The following PTTG1IP2 variants were observed in gnomAD, a reference collection of about 807,000 sequenced individuals.
PTTG1IP2 encodes the protein PTTG1IP family member 2.
At chr7:90,486,423 G>T (rs1207873224) in intron 2 of PTTG1IP2, among the ~76,000 whole-genome samples, 3 of 150,444 alleles carry the variant, frequency 2.0e-5, no homozygotes, top group Non-Finnish European at 4.4e-5. Context: ...CTGTCACATG[G>T]TAGGCCCTAT....
intron 6 of PTTG1IP2, among the ~76,000 whole-genome samples, chr7:90,495,832 C>T (rs1797985158): frequency 6.6e-6 from 1 of 152,196 alleles, no homozygotes; most frequent in African/African-American, 2.4e-5. Context: ...AGGCAAACAA[C>T]AGCAAGAAAT....
chr7:90,504,296 AC>A lies in PTTG1IP2; in HGVS notation c.*51-8981del, dbSNP rs1798099362. Among the ~76,000 whole-genome samples, 4 of 151,672 alleles carry A rather than the reference AC, an allele frequency of 2.6e-5. No homozygotes were observed. In the South Asian group the frequency reaches 8.4e-4, roughly 32 times the overall value. On this transcript the variant is annotated intron_variant, in intron 6 of 6. Transcript: ENST00000509356. Reference sequence around the variant, plus strand: ...ACGCCACTGCACTCCAGCCCGGGCGACAGAGTGAGACTCCATGTCAAGAGAA... The same window carrying A: ...ACGCCACTGCACTCCAGCCCGGGCGAAGAGTGAGACTCCATGTCAAGAGAA...
chr7:90,501,009 G>T (rs1798055401), intron 6 of PTTG1IP2, among the ~76,000 whole-genome samples: 2 of 152,158 alleles, frequency 1.3e-5, no homozygotes. Flanking sequence ...TAGACCCTAA[G>T]TAAACATTTA....
At chr7:90,504,589 A>G (rs140353593) in intron 6 of PTTG1IP2, among the ~76,000 whole-genome samples, 5 of 152,192 alleles carry the variant, frequency 3.3e-5, no homozygotes, top group African/African-American at 7.2e-5. Context: ...TATTTACAAA[A>G]GCATTCAGAG....
intron 2 of PTTG1IP2, among the ~76,000 whole-genome samples, chr7:90,484,750 A>G (rs1797849860): frequency 6.6e-6 from 1 of 152,202 alleles, no homozygotes; most frequent in Non-Finnish European, 1.5e-5. Context: ...TCATTGGCTT[A>G]CAATATTGGG....
chr7:90,483,302 T>C (rs1295595372), intron 2 of PTTG1IP2, among the ~76,000 whole-genome samples: 1 of 152,184 alleles, frequency 6.6e-6, no homozygotes, highest in Non-Finnish European at 1.5e-5. Flanking sequence ...AGTTTCCTCA[T>C]TTTTCACCTG....
intron 1 of PTTG1IP2, among the ~76,000 whole-genome samples, chr7:90,473,406 A>G (rs983225177): frequency 2.6e-5 from 4 of 152,028 alleles, no homozygotes; most frequent in Non-Finnish European, 2.9e-5. Flanking sequence ...GGAGGAGGGG[A>G]CTCAGTCCAG....
At chr7:90,485,929 A>AATCTAGACTTTATCTTTGC (rs1387355701) in intron 2 of PTTG1IP2, among the ~76,000 whole-genome samples, 7 of 152,206 alleles carry the variant, frequency 4.6e-5, no homozygotes, top group Admixed American at 1.3e-4. Flanking sequence ...GTAATCTTTG[A>AATCTAGACTTTATCTTTGC]ATCTAGACTT....
intron 2 of PTTG1IP2, among the ~76,000 whole-genome samples, chr7:90,480,040 A>G (rs1797798134): frequency 6.6e-6 from 1 of 152,142 alleles, no homozygotes; most frequent in Non-Finnish European, 1.5e-5. Context: ...GCCAGTTCAT[A>G]CTACCATTGC....
intron 6 of PTTG1IP2, among the ~76,000 whole-genome samples, chr7:90,507,633 C>A (rs1235301668): frequency 1.3e-5 from 2 of 152,158 alleles, no homozygotes; most frequent in Non-Finnish European, 2.9e-5. Flanking sequence ...CCAGAAATAT[C>A]TTGGATTCTC....
At chr7:90,485,725 T>C (rs572781569) in intron 2 of PTTG1IP2, among the ~76,000 whole-genome samples, 1 of 152,172 alleles carries the variant, frequency 6.6e-6, no homozygotes, top group South Asian at 2.1e-4. Flanking sequence ...CCTGCACTTC[T>C]TTAGGAGCTC....
intron 1 of PTTG1IP2, among the ~76,000 whole-genome samples, chr7:90,471,923 G>T (rs889711494): frequency 5.3e-5 from 8 of 152,110 alleles, no homozygotes; most frequent in African/African-American, 1.7e-4. Context: ...CATGGAAATG[G>T]GAAACACCTC....
chr7:90,505,650 G>T (rs1410699006), intron 6 of PTTG1IP2, among the ~76,000 whole-genome samples: 1 of 152,156 alleles, frequency 6.6e-6, no homozygotes, highest in Non-Finnish European at 1.5e-5. Flanking sequence ...TAGATTAGAT[G>T]ATTGTTGCCT....
At chr7:90,475,995 G>A (rs948058406) in intron 1 of PTTG1IP2, among the ~76,000 whole-genome samples, 2 of 151,472 alleles carry the variant, frequency 1.3e-5, no homozygotes, top group Non-Finnish European at 2.9e-5. Context: ...AAAAGAAAAT[G>A]GTGTCGAAAC....
At chr7:90,471,927 AC>A (rs1006737223) in intron 1 of PTTG1IP2, among the ~76,000 whole-genome samples, 31 of 152,190 alleles carry the variant, frequency 2.0e-4, no homozygotes, top group Admixed American at 2.0e-3. Context: ...GAAATGGGAA[AC>A]ACCTCTGATA....
intron 2 of PTTG1IP2, among the ~76,000 whole-genome samples, 164 bp downstream of exon 2, chr7:90,479,438 T>C (rs1257608937): frequency 6.6e-6 from 1 of 152,318 alleles, no homozygotes; most frequent in African/African-American, 2.4e-5. Flanking sequence ...AACCATTCTT[T>C]GAGGATCTAG....
chr7:90,472,980 T>C (rs954921097), intron 1 of PTTG1IP2, among the ~76,000 whole-genome samples: 1 of 152,150 alleles, frequency 6.6e-6, no homozygotes. Context: ...ATAATATAAA[T>C]CTCAGATGGG....
chr7:90,503,185 T>G (rs1437888367), intron 6 of PTTG1IP2, among the ~76,000 whole-genome samples: 1 of 152,192 alleles, frequency 6.6e-6, no homozygotes, highest in African/African-American at 2.4e-5. Context: ...CTCTGCTAGA[T>G]TCCAATGTTT....
intron 6 of PTTG1IP2, among the ~76,000 whole-genome samples, chr7:90,502,570 A>T (rs1466604589): frequency 6.6e-6 from 1 of 152,238 alleles, no homozygotes; most frequent in Non-Finnish European, 1.5e-5. Flanking sequence ...TGACTTCTTC[A>T]TTCATGGGCT....
Sources: allele counts gnomAD v4.1 joint callset (sites outside exome capture counted in the v4.1 genomes callset), GRCh38; gene constraint gnomAD v4.1.1; transcripts MANE v1.5; gene names NCBI Gene and HGNC (gene_info 2026-07-23, HGNC 2026-07-21).